HS3ST5: variants seen among roughly 807,000 people sequenced by gnomAD.
HS3ST5 encodes the protein heparan sulfate glucosamine 3-O-sulfotransferase 5.
In HS3ST5, 10 loss-of-function variants were observed where a neutral mutation model predicts 25.4. That is an observed-to-expected ratio of 0.39 (90% CI 0.24 to 0.67). The LOEUF (loss-of-function observed/expected upper bound fraction) is 0.67. Ranked by LOEUF, HS3ST5 falls within the 30% of genes least tolerant of loss-of-function variation. The pLI is 0.44. For missense variants in HS3ST5, 324 were observed against 420.7 expected, an observed-to-expected ratio of 0.77 and a Z score of 2.01; for synonymous variants, 170 against 162.4, an observed-to-expected ratio of 1.05 and a Z score of -0.36.
chr6:114,256,400 C>A (rs12211613), intron 1 of HS3ST5, among the ~76,000 whole-genome samples: 4 of 146,956 alleles, frequency 2.7e-5, no homozygotes, highest in Admixed American at 6.8e-5. Flanking sequence ...AAAAAAAAAA[C>A]AAAAAAAAAC....
intron 1 of HS3ST5, among the ~76,000 whole-genome samples, chr6:114,311,581 C>T (rs1194489603): frequency 9.0e-6 from 1 of 110,984 alleles, no homozygotes; most frequent in Non-Finnish European, 1.7e-5. Context: ...CTCACTCTGT[C>T]ACACAGGCTG....
chr6:114,178,444 C>A (rs1010727265), intron 2 of HS3ST5, among the ~76,000 whole-genome samples: 4 of 152,204 alleles, frequency 2.6e-5, no homozygotes, highest in African/African-American at 9.6e-5. Flanking sequence ...ACTACTTTAA[C>A]TTGCCTTCTT....
At chr6:114,259,931 T>A (rs1243118877) in intron 1 of HS3ST5, among the ~76,000 whole-genome samples, 2 of 152,242 alleles carry the variant, frequency 1.3e-5, no homozygotes, top group Admixed American at 6.5e-5. Context: ...TGGAATTTTT[T>A]ATTTCTATTT....
chr6:114,256,157 G>C (rs1772900667), intron 1 of HS3ST5, among the ~76,000 whole-genome samples: 2 of 152,130 alleles, frequency 1.3e-5, no homozygotes, highest in Non-Finnish European at 2.9e-5. Context: ...GGGAGGCCAA[G>C]GTGGGCAGAT....
chr6:114,066,612 G>T (rs917204885), intron 3 of HS3ST5, among the ~76,000 whole-genome samples: 1 of 152,114 alleles, frequency 6.6e-6, no homozygotes, highest in African/African-American at 2.4e-5. Context: ...CAGCCTGGGT[G>T]ACAGAGCAAG....
chr6:114,141,368 G>A (rs952788233), intron 3 of HS3ST5, among the ~76,000 whole-genome samples: 1 of 152,230 alleles, frequency 6.6e-6, no homozygotes, highest in Non-Finnish European at 1.5e-5. Flanking sequence ...CAGCAATGAA[G>A]AAGTCATTTT....
chr6:114,202,945 G>A (rs750811202), intron 2 of HS3ST5, among the ~76,000 whole-genome samples: 3 of 152,148 alleles, frequency 2.0e-5, no homozygotes, highest in Non-Finnish European at 4.4e-5. Flanking sequence ...AGGCTTTCAG[G>A]CGATAACTTC....
At chr6:114,262,775 T>C (rs981566435) in intron 1 of HS3ST5, among the ~76,000 whole-genome samples, 7 of 152,158 alleles carry the variant, frequency 4.6e-5, no homozygotes, top group Middle Eastern at 3.2e-3. Context: ...TTGGAATGCA[T>C]GGGAGACTAT....
At chr6:114,265,994 C>T (rs985029726) in intron 1 of HS3ST5, among the ~76,000 whole-genome samples, 10 of 152,112 alleles carry the variant, frequency 6.6e-5, no homozygotes, top group African/African-American at 2.4e-4. Flanking sequence ...ATTCCAACCT[C>T]AGAAATTGAT....
chr6:114,113,391 TACA>T (rs1370932376), intron 3 of HS3ST5, among the ~76,000 whole-genome samples: 13 of 152,098 alleles, frequency 8.5e-5, no homozygotes, highest in African/African-American at 3.1e-4. Flanking sequence ...CCAGCCTTAT[TACA>T]ACTTTTCCCT....
intron 3 of HS3ST5, among the ~76,000 whole-genome samples, chr6:114,072,806 A>C (rs1773900070): frequency 6.6e-6 from 1 of 152,256 alleles, no homozygotes; most frequent in South Asian, 2.1e-4. Context: ...TAAATTTCAT[A>C]TGGAATCAAA....
intron 3 of HS3ST5, among the ~76,000 whole-genome samples, chr6:114,085,086 TC>T (rs2114776328): frequency 6.6e-6 from 1 of 152,260 alleles, no homozygotes; most frequent in Non-Finnish European, 1.5e-5. Flanking sequence ...TGCCTCCGCC[TC>T]CCAAAGTGAG....
chr6:114,310,229 G>C (rs1307831301), intron 1 of HS3ST5, among the ~76,000 whole-genome samples: 1 of 152,142 alleles, frequency 6.6e-6, no homozygotes, highest in African/African-American at 2.4e-5. Flanking sequence ...AGCTCCTCCA[G>C]GATGCTCAGT....
intron 1 of HS3ST5, among the ~76,000 whole-genome samples, chr6:114,258,695 A>C (rs1773038830): frequency 6.6e-6 from 1 of 152,072 alleles, no homozygotes; most frequent in South Asian, 2.1e-4. Context: ...GCCTCCAGGT[A>C]ATTTTCTCCC....
At chr6:114,320,511 A>G (rs1213509694) in intron 1 of HS3ST5, among the ~76,000 whole-genome samples, 1 of 152,124 alleles carries the variant, frequency 6.6e-6, no homozygotes, top group Non-Finnish European at 1.5e-5. Context: ...ATTCGATTGC[A>G]TCATAAGATA....
At chr6:114,179,947 G>A (rs1779893836) in intron 2 of HS3ST5, among the ~76,000 whole-genome samples, 1 of 152,230 alleles carries the variant, frequency 6.6e-6, no homozygotes, top group East Asian at 1.9e-4. Flanking sequence ...AGGGCAGGAA[G>A]CATCCAGCAG....
chr6:114,265,034 C>T (rs746950624), intron 1 of HS3ST5, among the ~76,000 whole-genome samples: 22 of 152,008 alleles, frequency 1.4e-4, no homozygotes, highest in Admixed American at 5.9e-4. Flanking sequence ...TGCATGCCAC[C>T]ACACCCAACT....
intron 1 of HS3ST5, among the ~76,000 whole-genome samples, chr6:114,258,757 C>T (rs536007982): frequency 2.0e-5 from 3 of 152,214 alleles, no homozygotes; most frequent in African/African-American, 7.2e-5. Flanking sequence ...TTTTAACTAC[C>T]TGGAGTCCCT....
At chr6:114,265,495 G>A (rs72956209) in intron 1 of HS3ST5, among the ~76,000 whole-genome samples, 8,992 of 152,100 alleles carry the variant, frequency 0.059, 326 homozygotes, top group Middle Eastern at 0.12. Flanking sequence ...GGAGAGCCTG[G>A]GTCAAGTTTG....
Sources: allele counts gnomAD v4.1 joint callset (sites outside exome capture counted in the v4.1 genomes callset), GRCh38; gene constraint gnomAD v4.1.1; transcripts MANE v1.5; gene names NCBI Gene and HGNC (gene_info 2026-07-23, HGNC 2026-07-21).